ANO2: variants seen among roughly 807,000 people sequenced by gnomAD.
ANO2 encodes the protein anoctamin 2, also known as anoctamin-2.
In ANO2, 101 loss-of-function variants were observed where a neutral mutation model predicts 124.2. That is an observed-to-expected ratio of 0.81 (90% CI 0.69 to 0.96). ANO2 has a LOEUF of 0.96. ANO2 is among the 40% of genes least tolerant of loss of function. The pLI is 0.00. For synonymous variants in ANO2, 486 were observed against 482.5 expected, an observed-to-expected ratio of 1.01 and a Z score of -0.09; for missense variants, 1,293 against 1,274.5, an observed-to-expected ratio of 1.01 and a Z score of -0.22.
chr12:5,696,490 G>A (rs546802730), intron 14 of ANO2, among the ~76,000 whole-genome samples: 19 of 152,206 alleles, frequency 1.2e-4, no homozygotes, highest in Admixed American at 3.3e-4. Flanking sequence ...TTAAAAATCT[G>A]CTCACAAAAC....
intron 10 of ANO2, among the ~76,000 whole-genome samples, chr12:5,764,807 C>A (rs1273649298): frequency 6.6e-6 from 1 of 152,058 alleles, no homozygotes; most frequent in Non-Finnish European, 1.5e-5. Flanking sequence ...ACGGCACTCT[C>A]TCCACTCACA....
chr12:5,668,121 A>T (rs1947823692), intron 14 of ANO2, among the ~76,000 whole-genome samples: 1 of 152,180 alleles, frequency 6.6e-6, no homozygotes, highest in Non-Finnish European at 1.5e-5. Flanking sequence ...TCTTTAAGGA[A>T]TTTCCACACT....
Position 5,683,227 on chromosome 12 carries a change from A to C in ANO2, c.1546-35426T>G, listed in dbSNP as rs1406248145. 2.0e-5 allele frequency among the ~76,000 whole-genome samples: 3 copies of C among 152,252 alleles called. No individual in the cohort carries two copies. The East Asian group carries it at 5.8e-4, about 29-fold the overall frequency. On this transcript the variant is annotated intron_variant, in intron 14 of 24. Coordinates refer to ENST00000682330, the MANE Select transcript of ANO2 (RefSeq NM_001364791.2). Reference sequence around the variant, plus strand: ...TTTAACTCCACAATTAAAGGTAGAAAATAAGAGCTCAGGTAAGAGCCTAAA... The same window carrying C: ...TTTAACTCCACAATTAAAGGTAGAACATAAGAGCTCAGGTAAGAGCCTAAA...
intron 16 of ANO2, among the ~76,000 whole-genome samples, chr12:5,623,734 C>T (rs990754764): frequency 1.3e-5 from 2 of 152,182 alleles, no homozygotes; most frequent in African/African-American, 2.4e-5. Flanking sequence ...AAATGCATAA[C>T]GATGGCAGCA....
At chr12:5,886,548 C>T (rs920419416) in intron 3 of ANO2, among the ~76,000 whole-genome samples, 4 of 152,084 alleles carry the variant, frequency 2.6e-5, no homozygotes, top group African/African-American at 9.7e-5. Flanking sequence ...ATGTAAGAGG[C>T]TAGATCTCAT....
intron 13 of ANO2, among the ~76,000 whole-genome samples, chr12:5,738,461 C>G (rs577453735): frequency 6.6e-6 from 1 of 150,588 alleles, no homozygotes. Context: ...CCCTCAGCCC[C>G]TCACCCACGA....
intron 7 of ANO2, among the ~76,000 whole-genome samples, chr12:5,810,729 T>C (rs528985504): frequency 1.3e-5 from 2 of 152,330 alleles, no homozygotes; most frequent in African/African-American, 2.4e-5. Flanking sequence ...AACGTGCCCA[T>C]GTCTCCTTCA....
chr12:5,877,230 C>T (rs1394568053), intron 3 of ANO2, among the ~76,000 whole-genome samples: 1 of 152,098 alleles, frequency 6.6e-6, no homozygotes, highest in Non-Finnish European at 1.5e-5. Flanking sequence ...TACACAGAGA[C>T]ACACAGAGAG....
At chr12:5,714,860 C>A (rs1949958996) in intron 14 of ANO2, among the ~76,000 whole-genome samples, 1 of 152,164 alleles carries the variant, frequency 6.6e-6, no homozygotes, top group Admixed American at 6.5e-5. Context: ...AAAACACATT[C>A]CAAATTCAAA....
chr12:5,888,242 G>T (rs1939101564), intron 3 of ANO2, among the ~76,000 whole-genome samples: 2 of 152,034 alleles, frequency 1.3e-5, no homozygotes, highest in East Asian at 3.9e-4. Context: ...CTTTCCTCCC[G>T]GTGGGTTCGT....
At position 5,904,301 on chromosome 12, in the gene ANO2, C is replaced by T. The variant is rs1052561253; in HGVS notation, c.534+16739G>A. 1.3e-5 allele frequency among the ~76,000 whole-genome samples: 2 copies of T among 152,156 alleles called. No individual in the cohort carries two copies. The highest frequency in any genetic ancestry group is 4.8e-5 in the African/African-American group (2 of 41,436). On this transcript the variant is annotated intron_variant, in intron 3 of 24. Coordinates refer to ENST00000682330, the MANE Select transcript of ANO2 (RefSeq NM_001364791.2). This position sits in a 1 kb window ranked among gnomAD's most constrained non-coding sequence, Gnocchi z 4.1. ...AGAACCTGCTCCACCTGCTGGTGCCCAATACACCACCATTCACCTAAGGCT... is the reference window on the plus strand; with the variant it reads ...AGAACCTGCTCCACCTGCTGGTGCCTAATACACCACCATTCACCTAAGGCT...
intron 20 of ANO2, among the ~76,000 whole-genome samples, chr12:5,594,760 C>T (rs1377351414): frequency 2.0e-5 from 3 of 152,126 alleles, no homozygotes; most frequent in Non-Finnish European, 2.9e-5. Flanking sequence ...GTCACTTGAG[C>T]CTGGGAGGTC....
chr12:5,821,068 C>T (rs750181730), intron 7 of ANO2, among the ~76,000 whole-genome samples: 10 of 152,152 alleles, frequency 6.6e-5, no homozygotes, highest in Non-Finnish European at 1.0e-4. Flanking sequence ...GATCGTTTTT[C>T]GCTTCCACAA....
intron 10 of ANO2, among the ~76,000 whole-genome samples, chr12:5,764,700 C>T (rs578143874): frequency 1.1e-4 from 17 of 152,218 alleles, no homozygotes; most frequent in African/African-American, 3.1e-4. Context: ...CCCCCAGCCC[C>T]GCCCTCCCCT....
chr12:5,719,960 A>C lies in ANO2; in HGVS notation c.1545+12560T>G, dbSNP rs192453076. 2.0e-5 allele frequency among the ~76,000 whole-genome samples: 3 copies of C among 151,954 alleles called. No individual in the cohort carries two copies. In the East Asian group the frequency reaches 5.8e-4, roughly 29 times the overall value. On this transcript the variant is annotated intron_variant, in intron 14 of 24. Transcript: ENST00000682330. The stretch of plus-strand genomic sequence containing the variant: ...TCCCCCAGAATTTTGCAGTTGAATC[A>C]CTGGCTCAGGGTCTGCATCTGGGAG...
chr12:5,651,186 CTTT>C (rs1189506894), intron 14 of ANO2, among the ~76,000 whole-genome samples: 3 of 152,216 alleles, frequency 2.0e-5, no homozygotes, highest in Admixed American at 1.3e-4. Context: ...GTGCTAGCTT[CTTT>C]GTCTCAGCTC....
chr12:5,915,438 G>A (rs2136296610), intron 3 of ANO2, among the ~76,000 whole-genome samples: 1 of 150,968 alleles, frequency 6.6e-6, no homozygotes, highest in East Asian at 2.0e-4. Context: ...GTATCAAGGA[G>A]GGTGGGAAGT....
intron 1 of ANO2, among the ~76,000 whole-genome samples, chr12:5,933,142 C>T (rs535557009): frequency 6.6e-6 from 1 of 152,212 alleles, no homozygotes; most frequent in Admixed American, 6.5e-5. Flanking sequence ...ATAGTGCACA[C>T]TTCTTAACAT....
intron 24 of ANO2, among the ~76,000 whole-genome samples, chr12:5,564,241 C>T (rs748911950): frequency 6.6e-6 from 1 of 152,228 alleles, no homozygotes; most frequent in Non-Finnish European, 1.5e-5. Flanking sequence ...TTGGCACACA[C>T]TTGCAGTGGA....
Sources: gnomAD v4.1 joint callset for allele counts (sites outside exome capture counted in the v4.1 genomes callset) on GRCh38, gnomAD v4.1.1 for gene constraint, Gnocchi (gnomAD v3.1) non-coding constraint, MANE v1.5 for transcripts, NCBI Gene and HGNC (gene_info 2026-07-23, HGNC 2026-07-21) for gene names.